MASTL: variants seen among roughly 807,000 people sequenced by gnomAD.
MASTL encodes serine/threonine-protein kinase greatwall.
In MASTL, 54 loss-of-function variants were observed where a neutral mutation model predicts 82.5. The observed-to-expected ratio is 0.65, with a 90% CI of 0.53 to 0.82. The LOEUF (loss-of-function observed/expected upper bound fraction) is 0.82. Among genes scored for constraint, MASTL ranks in the 40% least tolerant of loss-of-function variants. The pLI, the probability that MASTL is intolerant of heterozygous loss-of-function variation, is 0.00. For synonymous variants in MASTL, 323 were observed against 368.9 expected (o/e 0.88, Z 1.43); for missense variants, 950 against 1,047.8 (o/e 0.91, Z 1.29).
chr10:27,173,943 C>G (rs1395382384), intron 9 of MASTL, among the ~76,000 whole-genome samples: 2 of 152,166 alleles, frequency 1.3e-5, no homozygotes, highest in Admixed American at 6.6e-5. Context: ...AATGTTGGGT[C>G]TAAATTTCTG....
rs199527702 is a variant in MASTL, at chr10:27,186,566, G to A, written c.*30G>A. The A allele has an allele frequency of 1.8e-5, 29 of 1,568,996 alleles. No individual in the cohort carries two copies. Among genetic ancestry groups the A allele is most frequent in the Non-Finnish European group, 2.2e-5 (25 of 1,138,532 alleles). ...AAAATTTTCCTTTTAGTCTAGCCTT[G>A]TGTTATAGAATGAACTTGCATAATT... On this transcript the variant is annotated 3_prime_UTR_variant, in exon 12 of 12. Transcript: ENST00000375940.
At position 27,156,680 on chromosome 10, in the gene MASTL, T is replaced by C. The variant is rs7097442; in HGVS notation, c.186+1068T>C. 3.3e-3 allele frequency among the ~76,000 whole-genome samples: 496 copies of C among 151,272 alleles called. 2 individuals are homozygous for C. Among genetic ancestry groups the C allele is most frequent in the African/African-American group, 0.011 (471 of 41,134 alleles). ...ATGCCTGGCTGATTTGTGTAGTTTT[T>C]TTTTTAGCCGAGATTGAATTTAGCC... On this transcript the variant is annotated intron_variant, in intron 1 of 11. Transcript: ENST00000375940.
At position 27,162,681 on chromosome 10, in the gene MASTL, A is replaced by G. The variant is rs148069167; in HGVS notation, c.553+1499A>G. Among the ~76,000 whole-genome samples, 247 of 152,300 alleles carry G rather than the reference A, an allele frequency of 1.6e-3. 2 individuals are homozygous for G. Among genetic ancestry groups the G allele is most frequent in the African/African-American group, 5.7e-3 (238 of 41,580 alleles). On this transcript the variant is annotated intron_variant, in intron 4 of 11. Coordinates refer to ENST00000375940, the MANE Select transcript of MASTL (RefSeq NM_001172303.3). ...GATACTCCATCTCGAAAAAAAAAGA[A>G]ACATATTGTATTCTCTATTAGAAAG...
rs576463289 is a variant in MASTL, at chr10:27,173,306, A to AT, written c.2266+49dup. ...TTTTTGAAGTGTTATCTATCACTACATTATCTTTCAAGGTTAAATTTTAAA... is the reference window on the plus strand; with the variant it reads ...TTTTTGAAGTGTTATCTATCACTACATTTATCTTTCAAGGTTAAATTTTAAA... On this transcript the variant is annotated intron_variant, in intron 9 of 11. Transcript: ENST00000375940. 4.0e-4 allele frequency: 648 copies of AT among 1,611,374 alleles called. 7 individuals are homozygous for AT. The highest frequency in any genetic ancestry group is 2.3e-3 in the Middle Eastern group (14 of 6,054).
chr10:27,186,264 C>A, intron 11 of MASTL, 115 bp from the exon 12 acceptor site: 1 of 1,076,824 alleles, frequency 9.3e-7, no homozygotes, highest in African/African-American at 1.6e-5. Flanking sequence ...GTGAAACTGA[C>A]ATAATAAAGT....
intron 7 of MASTL, 49 bp downstream of exon 7, chr10:27,167,323 A>C: frequency 6.9e-7 from 1 of 1,449,954 alleles, no homozygotes; most frequent in Non-Finnish European, 9.7e-7. Context: ...ATGTCAAATG[A>C]ATGTGAGAAA....
Position 27,170,626 on chromosome 10 carries a change from C to A in MASTL, c.1667C>A (p.Ser556Tyr). 6.2e-7 allele frequency: 1 copy of A among 1,607,390 alleles called. No homozygotes were observed. Among genetic ancestry groups the A allele is most frequent in the Non-Finnish European group, 8.5e-7 (1 of 1,177,628 alleles). ...TACTTAAGTTCTAGTTTTCTATGTTCTGATGATGATAGAGCTTCTAAAAAT... is the reference window on the plus strand; with the variant it reads ...TACTTAAGTTCTAGTTTTCTATGTTATGATGATGATAGAGCTTCTAAAAAT... Reference protein sequence around the residue: ...RDYLSSSFLCSDDDRASKNIS... With the variant: ...RDYLSSSFLCYDDDRASKNIS... Residue 556 changes from serine (S) to tyrosine (Y), a missense_variant, in exon 8 of 12, where the codon TCT becomes TAT. Ser to Tyr is a moderately radical substitution (Grantham distance 144). Coordinates refer to ENST00000375940, the MANE Select transcript of MASTL (RefSeq NM_001172303.3).
chr10:27,160,719 C>G (rs984913406), intron 3 of MASTL, among the ~76,000 whole-genome samples: 1 of 150,516 alleles, frequency 6.6e-6, no homozygotes, highest in African/African-American at 2.4e-5. Flanking sequence ...CCATTGCACT[C>G]CAGCCTGGGT....
At chr10:27,171,858 CT>C (rs566947352) in intron 8 of MASTL, among the ~76,000 whole-genome samples, 107 of 84,984 alleles carry the variant, frequency 1.3e-3, no homozygotes, top group African/African-American at 5.4e-3. Flanking sequence ...GAGACAAAGT[CT>C]CGCTCTGTCA....
intron 7 of MASTL, among the ~76,000 whole-genome samples, chr10:27,168,088 C>A (rs913137082): frequency 1.3e-5 from 2 of 152,038 alleles, no homozygotes; most frequent in African/African-American, 4.8e-5. Flanking sequence ...AAAGAATAAA[C>A]CTTTTATTTG....
chr10:27,185,242 C>T (rs1418180361), intron 11 of MASTL, among the ~76,000 whole-genome samples: 1 of 152,150 alleles, frequency 6.6e-6, no homozygotes, highest in African/African-American at 2.4e-5. Flanking sequence ...AGAGTCAAAA[C>T]TGGAGCATTC....
chr10:27,174,485 A>G (rs1162533502), intron 9 of MASTL, among the ~76,000 whole-genome samples: 1 of 152,158 alleles, frequency 6.6e-6, no homozygotes, highest in African/African-American at 2.4e-5. Flanking sequence ...ATGCTGTAGC[A>G]CAAACTGGGT....
Position 27,155,370 on chromosome 10 carries a change from G to A in MASTL, c.-57G>A. 2 of 1,519,990 alleles carry A rather than the reference G, an allele frequency of 1.3e-6. No individual in the cohort carries two copies. The highest frequency in any genetic ancestry group is 1.8e-6 in the Non-Finnish European group (2 of 1,126,652). 94.2% of individuals were successfully genotyped at this position (1,519,990 alleles called of 1,614,324 possible). ...GAGCCTCACTTTGAACCCAGTTGGC[G>A]GGAGTGGCTGCTCGCGGAGGGGCAG... On this transcript the variant is annotated 5_prime_UTR_variant, in exon 1 of 12. Transcript: ENST00000375940.
intron 11 of MASTL, among the ~76,000 whole-genome samples, chr10:27,182,633 A>T (rs1246266806): frequency 6.6e-6 from 1 of 152,138 alleles, no homozygotes; most frequent in Non-Finnish European, 1.5e-5. Flanking sequence ...AGTTCCAGCT[A>T]CTTGGGGGCT....
intron 11 of MASTL, 99 bp downstream of exon 11, chr10:27,181,680 C>T: frequency 1.2e-6 from 1 of 832,628 alleles, no homozygotes; most frequent in Non-Finnish European, 1.9e-6. Flanking sequence ...GTGGCTCACG[C>T]CTGTAATCCC....
At chr10:27,182,894 C>G (rs1413113061) in intron 11 of MASTL, among the ~76,000 whole-genome samples, 2 of 151,870 alleles carry the variant, frequency 1.3e-5, no homozygotes, top group Non-Finnish European at 2.9e-5. Context: ...AGGATCCTCC[C>G]ACCTCAGCCT....
rs939100914 is a variant in MASTL at position 27,179,686 on chromosome 10, T to G, written c.2267-1267T>G. Among the ~76,000 whole-genome samples, 5 of 152,240 alleles carry G rather than the reference T, an allele frequency of 3.3e-5. No individual in the cohort carries two copies. The East Asian group carries it at 5.8e-4, about 18-fold the overall frequency. On this transcript the variant is annotated intron_variant, in intron 9 of 11. Transcript: ENST00000375940. ...TTACCTCTTGAAACCATAGTTTAAG[T>G]GAATATTCTTTGTTAAACTAATTTG... is the stretch of plus-strand genomic sequence containing the variant.
In MASTL at chr10:27,155,531, C is replaced by T; in HGVS notation, c.105C>T (p.Phe35=). 1 of 1,614,172 alleles carries T rather than the reference C, an allele frequency of 6.2e-7. No homozygotes were observed. The highest frequency in any genetic ancestry group is 8.5e-7 in the Non-Finnish European group (1 of 1,180,010). ...CAAAACCGCCCTCCATTGAGGAATTCAGCATAGTGAAGCCCATTAGCCGGG... is the reference window on the plus strand; with the variant it reads ...CAAAACCGCCCTCCATTGAGGAATTTAGCATAGTGAAGCCCATTAGCCGGG... ...AVPKPPSIEE[F]SIVKPISRGA... The change falls in exon 1 of 12, where the codon TTC becomes TTT. Residue 35 remains phenylalanine, a synonymous_variant. Transcript: ENST00000375940.
Position 27,167,211 on chromosome 10 carries a change from C to T in MASTL, c.921C>T (p.His307=), listed in dbSNP as rs375590997. The change falls in exon 7 of 12, where the codon CAC becomes CAT. Residue 307 remains histidine (H), a synonymous_variant. Coordinates refer to ENST00000375940, the MANE Select transcript of MASTL (RefSeq NM_001172303.3). Reference sequence around the variant, plus strand: ...CATCCAGTGCCAGTAGTCAATCCCACACCTTCATATCCAGTGTGGAATCAG... The same window carrying T: ...CATCCAGTGCCAGTAGTCAATCCCATACCTTCATATCCAGTGTGGAATCAG... ...LATSSASSQS[H]TFISSVESEC... The T allele has an allele frequency of 1.2e-6, 2 of 1,614,018 alleles. No individual in the cohort carries two copies. Among genetic ancestry groups the T allele is most frequent in the Admixed American group, 1.7e-5 (1 of 60,008 alleles).
Sources: allele counts gnomAD v4.1 joint callset (sites outside exome capture counted in the v4.1 genomes callset), GRCh38; gene constraint gnomAD v4.1.1; transcripts MANE v1.5; gene names NCBI Gene and HGNC (gene_info 2026-07-23, HGNC 2026-07-21).